Variants in TMEM132C observed in about 807,000 individuals in gnomAD.
TMEM132C encodes protein phosphatase 1, regulatory subunit 152.
TMEM132C carries 29 observed loss-of-function variants against 61.4 expected under a neutral mutation model. That is an observed-to-expected ratio of 0.47 (90% CI 0.35 to 0.64). TMEM132C has a LOEUF of 0.64. Ranked by LOEUF, TMEM132C falls within the 30% of genes least tolerant of loss-of-function variation. The pLI, the probability that TMEM132C is intolerant of heterozygous loss-of-function variation, is 0.00. For synonymous variants in TMEM132C, 656 were observed against 633.1 expected, an observed-to-expected ratio of 1.04 and a Z score of -0.54; for missense variants, 1,408 against 1,476.9, an observed-to-expected ratio of 0.95 and a Z score of 0.76.
intron 1 of TMEM132C, among the ~76,000 whole-genome samples, chr12:128,283,577 C>G (rs1566041475): frequency 2.0e-5 from 3 of 152,058 alleles, no homozygotes; most frequent in Non-Finnish European, 4.4e-5. Context: ...CTAACCTATC[C>G]TAGCTATCTA....
chr12:128,356,593 A>C (rs1873512172), intron 1 of TMEM132C, among the ~76,000 whole-genome samples: 1 of 152,236 alleles, frequency 6.6e-6, no homozygotes, highest in African/African-American at 2.4e-5. Context: ...GGGGCTCTGC[A>C]TGTTAAGTAG....
intron 3 of TMEM132C, among the ~76,000 whole-genome samples, chr12:128,606,069 A>G (rs115557906): frequency 0.023 from 3,437 of 152,336 alleles, 134 homozygotes; most frequent in African/African-American, 0.078. Flanking sequence ...GTGGAGCACC[A>G]GGAGCCTGCT....
chr12:128,447,028 G>C (rs1019825274), intron 2 of TMEM132C, among the ~76,000 whole-genome samples: 3 of 152,170 alleles, frequency 2.0e-5, no homozygotes, highest in Non-Finnish European at 2.9e-5. Context: ...CTAAGGAAAA[G>C]GGAACTTTTG....
rs570350630 is a variant in TMEM132C at position 128,302,917 on chromosome 12, A to G, written c.85+35430A>G. On this transcript the variant is annotated intron_variant, in intron 1 of 8. Coordinates refer to ENST00000435159, the MANE Select transcript of TMEM132C (RefSeq NM_001136103.3). ...ATCTTCTTCTTGTATCAGTTTTCAG[A>G]TACCTCAAATAAGGTTCACAGCCAA... Among the ~76,000 whole-genome samples the G allele has an allele frequency of 2.6e-5, 4 of 152,334 alleles. No homozygotes were observed. In the South Asian group the frequency reaches 8.3e-4, roughly 32 times the overall value.
chr12:128,410,695 C>T (rs190712098), intron 1 of TMEM132C, among the ~76,000 whole-genome samples: 201 of 152,222 alleles, frequency 1.3e-3, no homozygotes, highest in African/African-American at 4.7e-3. Flanking sequence ...TGAGCCACCG[C>T]GCCTGGCCCT....
intron 1 of TMEM132C, among the ~76,000 whole-genome samples, chr12:128,358,523 G>GTGTGTGTGTGTGTC (rs1873592386): frequency 6.6e-6 from 1 of 151,812 alleles, no homozygotes; most frequent in Non-Finnish European, 1.5e-5. Context: ...GTGTGTGTGT[G>GTGTGTGTGTGTGTC]TGTCTAGTGC....
At chr12:128,435,017 G>A (rs992998463) in intron 2 of TMEM132C, among the ~76,000 whole-genome samples, 21 of 152,064 alleles carry the variant, frequency 1.4e-4, no homozygotes, top group African/African-American at 3.9e-4. Context: ...CAGCCCCTCC[G>A]AATGTGACTT....
At chr12:128,456,675 A>G (rs1321442059) in intron 2 of TMEM132C, among the ~76,000 whole-genome samples, 1 of 151,946 alleles carries the variant, frequency 6.6e-6, no homozygotes, top group African/African-American at 2.4e-5. Flanking sequence ...TTCAAAGTGC[A>G]GGGATTACAG....
chr12:128,326,123 G>A lies in TMEM132C; in HGVS notation c.85+58636G>A, dbSNP rs1003007405. On this transcript the variant is annotated intron_variant, in intron 1 of 8. Coordinates refer to ENST00000435159, the MANE Select transcript of TMEM132C (RefSeq NM_001136103.3). This position sits in a 1 kb window ranked among gnomAD's most constrained non-coding sequence, Gnocchi z 5.6. ...TTCTTCAAAGATAAATATCACTTCT[G>A]TCAGGTGAATAAATACCATTTGTCA... Among the ~76,000 whole-genome samples, 6 of 152,082 alleles carry A rather than the reference G, an allele frequency of 3.9e-5. No homozygotes were observed. Among genetic ancestry groups the A allele is most frequent in the African/African-American group, 1.4e-4 (6 of 41,398 alleles).
At position 128,570,471 on chromosome 12, in the gene TMEM132C, G is replaced by A. The variant is rs184445481; in HGVS notation, c.1121+26368G>A. The stretch of plus-strand genomic sequence containing the variant: ...TGCTTGGTTTTGCCTTCTTTTTTAC[G>A]TGTCACTCCCCTAATGGGTGTTTTT... On this transcript the variant is annotated intron_variant, in intron 3 of 8. Coordinates refer to ENST00000435159, the MANE Select transcript of TMEM132C (RefSeq NM_001136103.3). This position sits in a 1 kb window ranked among gnomAD's most constrained non-coding sequence, Gnocchi z 4.7. Among the ~76,000 whole-genome samples, 314 of 152,172 alleles carry A rather than the reference G, an allele frequency of 2.1e-3. 2 individuals carry two copies. Among genetic ancestry groups the A allele is most frequent in the Non-Finnish European group, 3.4e-3 (229 of 68,016 alleles).
At chr12:128,577,954 G>T in intron 3 of TMEM132C, among the ~76,000 whole-genome samples, 1 of 152,166 alleles carries the variant, frequency 6.6e-6, no homozygotes, top group South Asian at 2.1e-4. Flanking sequence ...TGCCATATCC[G>T]CAGGTCATTA....
At chr12:128,328,109 G>T (rs1389358001) in intron 1 of TMEM132C, among the ~76,000 whole-genome samples, 2 of 152,096 alleles carry the variant, frequency 1.3e-5, no homozygotes, top group Non-Finnish European at 2.9e-5. Flanking sequence ...TGGGGGCATG[G>T]GGAGTGGAGC....
At chr12:128,495,641 A>G (rs1399772813) in intron 2 of TMEM132C, among the ~76,000 whole-genome samples, 5 of 152,068 alleles carry the variant, frequency 3.3e-5, no homozygotes, top group Non-Finnish European at 5.9e-5. Flanking sequence ...TTTATCAGAG[A>G]CTAGGATTGC....
At chr12:128,455,394 T>C (rs1870305862) in intron 2 of TMEM132C, among the ~76,000 whole-genome samples, 1 of 152,190 alleles carries the variant, frequency 6.6e-6, no homozygotes, top group Admixed American at 6.5e-5. Flanking sequence ...AGCCCGGCCG[T>C]CTGTGCTCAG....
rs549008831 is a variant in TMEM132C, at chr12:128,322,582, C to G, written c.85+55095C>G. Among the ~76,000 whole-genome samples the G allele has an allele frequency of 3.3e-5, 5 of 152,348 alleles. No homozygotes were observed. In the East Asian group the frequency reaches 9.6e-4, roughly 29 times the overall value. ...ATGGCTACGCCATGGGGGTCTGAGT[C>G]AATTTCATCTTTTCGCACGCCCGTC... is the stretch of plus-strand genomic sequence containing the variant. On this transcript the variant is annotated intron_variant, in intron 1 of 8. Coordinates refer to ENST00000435159, the MANE Select transcript of TMEM132C (RefSeq NM_001136103.3).
At chr12:128,518,089 T>C (rs1872778328) in intron 2 of TMEM132C, among the ~76,000 whole-genome samples, 1 of 152,222 alleles carries the variant, frequency 6.6e-6, no homozygotes, top group Non-Finnish European at 1.5e-5. Flanking sequence ...TCTCTTTTAT[T>C]AGAATCGACA....
At chr12:128,310,118 A>G (rs2135926128) in intron 1 of TMEM132C, among the ~76,000 whole-genome samples, 1 of 152,232 alleles carries the variant, frequency 6.6e-6, no homozygotes, top group East Asian at 1.9e-4. Flanking sequence ...CCTTTGACTA[A>G]TCAAGAGGTT....
chr12:128,379,338 G>A (rs779864812), intron 1 of TMEM132C, among the ~76,000 whole-genome samples: 13 of 152,294 alleles, frequency 8.5e-5, no homozygotes, highest in Non-Finnish European at 1.9e-4. Context: ...TGTTGTTTTG[G>A]TCAATCAGCC....
At chr12:128,405,437 G>A (rs1414165530) in intron 1 of TMEM132C, among the ~76,000 whole-genome samples, 2 of 152,114 alleles carry the variant, frequency 1.3e-5, no homozygotes, top group Non-Finnish European at 1.5e-5. Context: ...TCCTGGACAT[G>A]GCGCAAAATC....
Sources: allele counts gnomAD v4.1 joint callset (sites outside exome capture counted in the v4.1 genomes callset), GRCh38; gene constraint gnomAD v4.1.1; non-coding constraint Gnocchi (gnomAD v3.1); transcripts MANE v1.5; gene names NCBI Gene and HGNC (gene_info 2026-07-23, HGNC 2026-07-21).